Variants in TRIM32 observed in about 807,000 individuals in gnomAD.
The protein encoded by TRIM32 is E3 ubiquitin-protein ligase TRIM32.
Under a neutral mutation model 36.0 loss-of-function variants are expected in TRIM32, and 19 were observed. The ratio of observed to expected loss-of-function variants is 0.53; its 90% confidence interval spans 0.37 to 0.77. The LOEUF (loss-of-function observed/expected upper bound fraction) is 0.77. Ranked by LOEUF, TRIM32 falls within the 30% of genes least tolerant of loss-of-function variation. The probability of loss-of-function intolerance (pLI) is 0.00; values close to 1 mark genes in which losing one functional copy is unlikely to be tolerated. For synonymous variants in TRIM32, 309 were observed against 318.5 expected (o/e 0.97, Z 0.32); for missense variants, 747 against 845.2 (o/e 0.88, Z 1.44).
At position 116,698,309 on chromosome 9, in the gene TRIM32, G is replaced by C. The variant is rs1458919098; in HGVS notation, c.567G>C (p.Gly189=). The C allele has an allele frequency of 4.3e-6, 7 of 1,614,148 alleles. No homozygotes were observed. Among genetic ancestry groups the C allele is most frequent in the Non-Finnish European group, 5.9e-6 (7 of 1,180,032 alleles). ...ARYKAVLQEY[G]HEERRVQDEL... Reference sequence around the variant, plus strand: ...ATAAAGCAGTTCTCCAGGAGTATGGGCATGAGGAGCGCAGGGTCCAGGATG... The same window carrying C: ...ATAAAGCAGTTCTCCAGGAGTATGGCCATGAGGAGCGCAGGGTCCAGGATG... The change falls in exon 2 of 2, where the codon GGG becomes GGC. Residue 189 remains glycine (G), a synonymous_variant. Transcript: ENST00000450136. The surrounding 1 kb of genome is among the most constrained non-coding windows in gnomAD (Gnocchi z 4.4).
At chr9:116,693,308 G>C (rs912498608) in intron 1 of TRIM32, among the ~76,000 whole-genome samples, 1 of 152,164 alleles carries the variant, frequency 6.6e-6, no homozygotes. Context: ...ACAGTGCTAA[G>C]ATATGATCTC....
In TRIM32 at chr9:116,699,425, G is replaced by T. The variant is rs778701960; in HGVS notation, c.1683G>T (p.Leu561=). The T allele has an allele frequency of 2.5e-6, 4 of 1,614,178 alleles. No homozygotes were observed. Among genetic ancestry groups the T allele is most frequent in the Non-Finnish European group, 2.5e-6 (3 of 1,180,026 alleles). ...SIGSVGPDGQ[L]GRQISHFFSE... is the part of the protein sequence containing the mutation. ...GCTCTGTAGGCCCTGATGGGCAGCT[G>T]GGTCGCCAGATTAGCCACTTCTTCT... Residue 561 remains leucine (L), a synonymous_variant, in exon 2 of 2, where the codon CTG becomes CTT. Transcript: ENST00000450136. The surrounding 1 kb of genome is among the most constrained non-coding windows in gnomAD (Gnocchi z 4.2).
At position 116,698,080 on chromosome 9, in the gene TRIM32, G is replaced by A. The variant is rs766267880; in HGVS notation, c.338G>A (p.Arg113Gln). 1.7e-5 allele frequency: 27 copies of A among 1,613,978 alleles called. No homozygotes were observed. The highest frequency in any genetic ancestry group is 8.8e-5 in the South Asian group (8 of 91,088). The change falls in exon 2 of 2, where the codon CGG becomes CAG. Residue 113 changes from arginine to glutamine, a missense_variant. Coordinates refer to ENST00000450136, the MANE Select transcript of TRIM32 (RefSeq NM_012210.4). This position sits in a 1 kb window ranked among gnomAD's most constrained non-coding sequence, Gnocchi z 4.4. ...CGRRLPRQFCRSCGLVLCEPC... is the reference protein window; with the variant it reads ...CGRRLPRQFCQSCGLVLCEPC... ...CGGCGTCTGCCCCGGCAATTCTGCCGGAGCTGTGGTTTGGTGTTATGTGAG... is the reference window on the plus strand; with the variant it reads ...CGGCGTCTGCCCCGGCAATTCTGCCAGAGCTGTGGTTTGGTGTTATGTGAG...
intron 1 of TRIM32, among the ~76,000 whole-genome samples, chr9:116,693,252 AG>A: frequency 6.6e-6 from 1 of 152,304 alleles, no homozygotes; most frequent in South Asian, 2.1e-4. Flanking sequence ...CTAAGAAAAC[AG>A]GTTTAGACAG....
intron 1 of TRIM32, among the ~76,000 whole-genome samples, chr9:116,695,686 T>C (rs895472240): frequency 2.6e-5 from 4 of 152,202 alleles, no homozygotes; most frequent in Non-Finnish European, 5.9e-5. Context: ...TATGAAATGC[T>C]GACTTTATCA....
rs1860933966 is a variant in TRIM32, at chr9:116,697,669, T to C, written c.-74T>C. 6.3e-7 allele frequency: 1 copy of C among 1,586,446 alleles called. No homozygotes were observed. The highest frequency in any genetic ancestry group is 1.3e-5 in the African/African-American group (1 of 74,422). ...GTTTCTTTTTCTCTTTAGCAGGAAT[T>C]TGACCCTCTAGGGCATGAATACTGT... On this transcript the variant is annotated 5_prime_UTR_variant, in exon 2 of 2. Transcript: ENST00000450136.
In TRIM32 at chr9:116,698,052, G is replaced by A; in HGVS notation, c.310G>A (p.Gly104Arg). 1 of 1,613,986 alleles carries A rather than the reference G, an allele frequency of 6.2e-7. No homozygotes were observed. The highest frequency in any genetic ancestry group is 8.5e-7 in the Non-Finnish European group (1 of 1,180,032). Residue 104 changes from glycine (G) to arginine (R), a missense_variant, in exon 2 of 2, where the codon GGG becomes AGG. Coordinates refer to ENST00000450136, the MANE Select transcript of TRIM32 (RefSeq NM_012210.4). This position sits in a 1 kb window ranked among gnomAD's most constrained non-coding sequence, Gnocchi z 4.4. ...GGGGCTGCTCATGTGTCGGTCCTGT[G>A]GGCGGCGTCTGCCCCGGCAATTCTG... ...AVGLLMCRSC[G>R]RRLPRQFCRS...
chr9:116,699,275 T>A lies in TRIM32; in HGVS notation c.1533T>A (p.Cys511Ter). The A allele has an allele frequency of 1.9e-6, 3 of 1,614,208 alleles. No individual in the cohort carries two copies. The highest frequency in any genetic ancestry group is 2.5e-6 in the Non-Finnish European group (3 of 1,180,044). The change falls in exon 2 of 2, where the codon TGT (cysteine) becomes TGA (stop). Residue 511 changes from cysteine (C) to a stop codon, truncating the protein, a stop_gained. Transcript: ENST00000450136. LOFTEE classifies it high-confidence loss of function. The surrounding 1 kb of genome is among the most constrained non-coding windows in gnomAD (Gnocchi z 4.2). ...GGGTGGTCAAATACAGCTGCCTATGTAGTGCTGTGCGGCCCAAATTTGTCA... is the reference window on the plus strand; with the variant it reads ...GGGTGGTCAAATACAGCTGCCTATGAAGTGCTGTGCGGCCCAAATTTGTCA... ...GSGVVKYSCL[C>*]SAVRPKFVTC... is the part of the protein sequence containing the mutation.
At position 116,697,863 on chromosome 9, in the gene TRIM32, C is replaced by T; in HGVS notation, c.121C>T (p.His41Tyr). 1.2e-6 allele frequency: 2 copies of T among 1,614,192 alleles called. No homozygotes were observed. The highest frequency in any genetic ancestry group is 1.7e-6 in the Non-Finnish European group (2 of 1,180,030). The stretch of plus-strand genomic sequence containing the variant: ...GCGTCCCAAGCTTCTGCACTGTGGC[C>T]ATACCATCTGCCGCCAGTGCCTGGA... The part of the protein sequence containing the change: ...QLRPKLLHCG[H>Y]TICRQCLEKL... The change falls in exon 2 of 2, where the codon CAT (histidine) becomes TAT (tyrosine). Residue 41 changes from histidine (H) to tyrosine (Y), a missense_variant. Physicochemically the swap from His to Tyr is moderately conservative, Grantham distance 83. Transcript: ENST00000450136.
At chr9:116,696,398 T>G (rs1860854415) in intron 1 of TRIM32, among the ~76,000 whole-genome samples, 1 of 152,236 alleles carries the variant, frequency 6.6e-6, no homozygotes, top group South Asian at 2.1e-4. Flanking sequence ...ATTTTTCCAT[T>G]TTAAAGGTGG....
At chr9:116,696,890 C>G (rs138462089) in intron 1 of TRIM32, among the ~76,000 whole-genome samples, 1 of 148,194 alleles carries the variant, frequency 6.7e-6, no homozygotes, top group African/African-American at 2.5e-5. Context: ...TCACAATTTT[C>G]TGCTTCTGTG....
rs773963132 is a variant in TRIM32, at chr9:116,696,160, C to A, written c.-81-1502C>A. Among the ~76,000 whole-genome samples the A allele has an allele frequency of 2.0e-5, 3 of 152,086 alleles. No individual in the cohort carries two copies. In the South Asian group the frequency reaches 6.2e-4, roughly 32 times the overall value. The stretch of plus-strand genomic sequence containing the variant: ...CACCTCACCATGCCCTTGAAAATGA[C>A]GCTCAAAAATCTCATTTTGGCTCTG... On this transcript the variant is annotated intron_variant, in intron 1 of 1. Transcript: ENST00000450136.
intron 1 of TRIM32, among the ~76,000 whole-genome samples, 189 bp downstream of exon 1, chr9:116,687,570 T>G: frequency 7.3e-6 from 1 of 136,360 alleles, no homozygotes; most frequent in African/African-American, 2.8e-5. Flanking sequence ...TCGGGAGGGA[T>G]TCGTGGGGCT....
intron 1 of TRIM32, among the ~76,000 whole-genome samples, chr9:116,689,850 A>G (rs1488410047): frequency 6.6e-6 from 1 of 152,162 alleles, no homozygotes; most frequent in East Asian, 1.9e-4. Flanking sequence ...AACGGACTAT[A>G]GGGTGAGGTA....
Position 116,699,416 on chromosome 9 carries a change from T to A in TRIM32, c.1674T>A (p.Asp558Glu). Residue 558 changes from aspartate to glutamate, a missense_variant, in exon 2 of 2, where the codon GAT (aspartate) becomes GAA (glutamate). Coordinates refer to ENST00000450136, the MANE Select transcript of TRIM32 (RefSeq NM_012210.4). The surrounding 1 kb of genome is among the most constrained non-coding windows in gnomAD (Gnocchi z 4.2). ...GGFSIGSVGP[D>E]GQLGRQISHF... is the part of the protein sequence containing the mutation. ...TTTCCATTGGCTCTGTAGGCCCTGA[T>A]GGGCAGCTGGGTCGCCAGATTAGCC... 1 of 1,614,152 alleles carries A rather than the reference T, an allele frequency of 6.2e-7. No individual in the cohort carries two copies. Among genetic ancestry groups the A allele is most frequent in the Non-Finnish European group, 8.5e-7 (1 of 1,180,020 alleles).
chr9:116,699,368 T>G lies in TRIM32; in HGVS notation c.1626T>G (p.Asn542Lys), dbSNP rs760108488. The G allele has an allele frequency of 6.2e-7, 1 of 1,614,096 alleles. No individual in the cohort carries two copies. Among genetic ancestry groups the G allele is most frequent in the African/African-American group, 1.3e-5 (1 of 74,938 alleles). The change falls in exon 2 of 2, where the codon AAT becomes AAG. Residue 542 changes from asparagine (N) to lysine (K), a missense_variant. Physicochemically the swap from Asn to Lys is moderately conservative, Grantham distance 94. Coordinates refer to ENST00000450136, the MANE Select transcript of TRIM32 (RefSeq NM_012210.4). This position sits in a 1 kb window ranked among gnomAD's most constrained non-coding sequence, Gnocchi z 4.2. ...GCCTCAATCTGGAGAATCGGCAGAATGAGCACCACCTGGAGGGTGGCTTTT... is the reference window on the plus strand; with the variant it reads ...GCCTCAATCTGGAGAATCGGCAGAAGGAGCACCACCTGGAGGGTGGCTTTT... ...GLGLNLENRQNEHHLEGGFSI... is the reference protein window; with the variant it reads ...GLGLNLENRQKEHHLEGGFSI...
chr9:116,696,343 ACT>A (rs1860850452), intron 1 of TRIM32, among the ~76,000 whole-genome samples: 1 of 152,000 alleles, frequency 6.6e-6, no homozygotes. Flanking sequence ...CATTCTATAC[ACT>A]CTATATATTA....
chr9:116,698,619 C>T lies in TRIM32; in HGVS notation c.877C>T (p.Gln293Ter). The T allele has an allele frequency of 6.2e-7, 1 of 1,614,140 alleles. No individual in the cohort carries two copies. Among genetic ancestry groups the T allele is most frequent in the Non-Finnish European group, 8.5e-7 (1 of 1,180,026 alleles). Residue 293 changes from glutamine (Q) to a stop codon, truncating the protein, a stop_gained, in exon 2 of 2, where the codon CAA (glutamine) becomes TAA (stop). Coordinates refer to ENST00000450136, the MANE Select transcript of TRIM32 (RefSeq NM_012210.4). LOFTEE classifies it high-confidence loss of function. The surrounding 1 kb of genome is among the most constrained non-coding windows in gnomAD (Gnocchi z 4.4). ...TCATGTTGGCCCCCTCCAAATTGGACAAGCTGTTAAGAAGCCCCGGACAGT... is the reference window on the plus strand; with the variant it reads ...TCATGTTGGCCCCCTCCAAATTGGATAAGCTGTTAAGAAGCCCCGGACAGT... ...VGHVGPLQIGQAVKKPRTVNV... is the reference protein window; with the variant it reads ...VGHVGPLQIG
chr9:116,689,982 G>T (rs548896925), intron 1 of TRIM32, among the ~76,000 whole-genome samples: 3 of 152,292 alleles, frequency 2.0e-5, no homozygotes, highest in Non-Finnish European at 4.4e-5. Context: ...CCCTGGAACA[G>T]AATTTGGCTC....
Sources: allele counts gnomAD v4.1 joint callset (sites outside exome capture counted in the v4.1 genomes callset), GRCh38; gene constraint gnomAD v4.1.1; non-coding constraint Gnocchi (gnomAD v3.1); transcripts MANE v1.5; gene names NCBI Gene and HGNC (gene_info 2026-07-23, HGNC 2026-07-21).